ENTHD1: variants seen among roughly 807,000 people sequenced by gnomAD.
ENTHD1 encodes the protein ENTH domain containing 1, also known as ENTH domain-containing protein 1.
Under a neutral mutation model 39.1 loss-of-function variants are expected in ENTHD1, and 23 were observed. That is an observed-to-expected ratio of 0.59 (90% CI 0.42 to 0.83). The LOEUF (loss-of-function observed/expected upper bound fraction) is 0.83, where lower values mean the gene tolerates loss of function less well. ENTHD1 is among the 40% of genes least tolerant of loss of function. ENTHD1 has a pLI of 0.00. For synonymous variants in ENTHD1, 230 were observed against 258.2 expected (o/e 0.89, Z 1.05); for missense variants, 624 against 705.4 (o/e 0.88, Z 1.31).
chr22:39,789,972 G>A (rs984219579), intron 5 of ENTHD1, among the ~76,000 whole-genome samples: 1 of 152,090 alleles, frequency 6.6e-6, no homozygotes, highest in Non-Finnish European at 1.5e-5. Flanking sequence ...TCAGTGGAGG[G>A]CAGAGTGTTC....
At position 39,765,352 on chromosome 22, in the gene ENTHD1, T is replaced by G; in HGVS notation, c.1090A>C (p.Thr364Pro). 1 of 1,614,048 alleles carries G rather than the reference T, an allele frequency of 6.2e-7. No homozygotes were observed. Among genetic ancestry groups the G allele is most frequent in the Non-Finnish European group, 8.5e-7 (1 of 1,179,984 alleles). Residue 364 changes from threonine to proline, a missense_variant, in exon 6 of 7, where the codon ACA (threonine) becomes CCA (proline). Transcript: ENST00000325157. ...STFHNQASVETLCLSPSFKIF... is the reference protein window; with the variant it reads ...STFHNQASVEPLCLSPSFKIF... ...TTGAATGAGGGAGAGAGACAGAGTGTTTCTACAGAGGCCTGGTTATGGAAA... is the reference window on the plus strand; with the variant it reads ...TTGAATGAGGGAGAGAGACAGAGTGGTTCTACAGAGGCCTGGTTATGGAAA...
chr22:39,862,162 T>C (rs1041677352), intron 2 of ENTHD1, among the ~76,000 whole-genome samples, 155 bp from the exon 3 acceptor site: 4 of 152,238 alleles, frequency 2.6e-5, no homozygotes, highest in East Asian at 1.9e-4. Flanking sequence ...CCTTTTCTTA[T>C]ACTTTAAAAG....
At chr22:39,846,836 A>G (rs1197878130) in intron 3 of ENTHD1, among the ~76,000 whole-genome samples, 6 of 152,174 alleles carry the variant, frequency 3.9e-5, no homozygotes, top group Non-Finnish European at 8.8e-5. Context: ...AATCAAAACC[A>G]CAATGAGATA....
At chr22:39,829,392 A>T (rs1391769103) in intron 4 of ENTHD1, among the ~76,000 whole-genome samples, 2 of 152,118 alleles carry the variant, frequency 1.3e-5, no homozygotes, top group African/African-American at 4.8e-5. Context: ...AAAAAAAAAA[A>T]ATAGGTGACT....
intron 2 of ENTHD1, among the ~76,000 whole-genome samples, chr22:39,883,280 T>A (rs2066354493): frequency 6.6e-6 from 1 of 152,114 alleles, no homozygotes; most frequent in Non-Finnish European, 1.5e-5. Context: ...AGTGTACTTG[T>A]ACTTACTTTT....
intron 3 of ENTHD1, among the ~76,000 whole-genome samples, chr22:39,836,661 T>G (rs751663793): frequency 3.3e-5 from 5 of 152,188 alleles, no homozygotes; most frequent in Non-Finnish European, 7.4e-5. Flanking sequence ...TTTGGATTTG[T>G]GTCCCCACCC....
intron 5 of ENTHD1, among the ~76,000 whole-genome samples, chr22:39,805,616 G>A (rs913691440): frequency 2.6e-5 from 4 of 152,092 alleles, no homozygotes; most frequent in African/African-American, 4.8e-5. Flanking sequence ...AACAACCCAC[G>A]GACCAGATAT....
At chr22:39,831,807 CAA>C (rs1714687196) in intron 4 of ENTHD1, among the ~76,000 whole-genome samples, 1 of 151,936 alleles carries the variant, frequency 6.6e-6, no homozygotes, top group African/African-American at 2.4e-5. Context: ...GCCTGGGTGA[CAA>C]GAGCAAAATT....
At chr22:39,874,031 T>C (rs2066266185) in intron 2 of ENTHD1, among the ~76,000 whole-genome samples, 1 of 152,168 alleles carries the variant, frequency 6.6e-6, no homozygotes, top group African/African-American at 2.4e-5. Context: ...GAAGAGCAAG[T>C]CACATCTTAT....
intron 2 of ENTHD1, among the ~76,000 whole-genome samples, chr22:39,873,277 AAC>A (rs2066258911): frequency 6.6e-6 from 1 of 152,214 alleles, no homozygotes. Context: ...GAATTAAAAA[AAC>A]ACACAAATCT....
intron 5 of ENTHD1, among the ~76,000 whole-genome samples, chr22:39,799,138 T>C (rs1186272215): frequency 1.3e-5 from 2 of 152,178 alleles, no homozygotes; most frequent in African/African-American, 4.8e-5. Flanking sequence ...CCAGGCTCCC[T>C]GCAGTGGAGT....
In ENTHD1 at chr22:39,750,503, T is replaced by C. The variant is rs1400090215; in HGVS notation, c.1220-6220A>G. 5 of 153,446 alleles carry C rather than the reference T, an allele frequency of 3.3e-5. No homozygotes were observed. The East Asian group carries it at 7.7e-4, about 24-fold the overall frequency. 9.5% of individuals were successfully genotyped at this position (153,446 alleles called of 1,614,324 possible). ...GATCTGCTTGTAAATGAAGCTGCAA[T>C]TAAAAAAAAAATAGGTGCCCTTGAA... On this transcript the variant is annotated intron_variant, in intron 6 of 6. Transcript: ENST00000325157.
At chr22:39,803,793 C>T (rs1382874588) in intron 5 of ENTHD1, among the ~76,000 whole-genome samples, 1 of 152,172 alleles carries the variant, frequency 6.6e-6, no homozygotes, top group African/African-American at 2.4e-5. Flanking sequence ...CAATACTTCT[C>T]ATCAGTATCA....
intron 5 of ENTHD1, among the ~76,000 whole-genome samples, chr22:39,795,172 T>C (rs2065537846): frequency 6.6e-6 from 1 of 152,220 alleles, no homozygotes; most frequent in Non-Finnish European, 1.5e-5. Flanking sequence ...GCTAGTATTT[T>C]GTTGAGGATT....
rs1569119647 is a variant in ENTHD1 at position 39,743,544 on chromosome 22, C to T, written c.*135G>A. On this transcript the variant is annotated 3_prime_UTR_variant, in exon 7 of 7. Coordinates refer to ENST00000325157, the MANE Select transcript of ENTHD1 (RefSeq NM_152512.4). ...AATGAAAGTATTAGTTTGAAAGATA[C>T]TTGCTAATAAACCTGACAAGGAAAA... 1 of 1,036,246 alleles carries T rather than the reference C, an allele frequency of 9.7e-7. No homozygotes were observed. Among genetic ancestry groups the T allele is most frequent in the Non-Finnish European group, 1.3e-6 (1 of 746,518 alleles). The allele number at this position is 1,036,246 out of a possible 1,614,324, so 64.2% of individuals were successfully genotyped here. A position where few individuals can be genotyped will look rare whatever the true frequency, so the allele number is the denominator to read the frequency against.
intron 5 of ENTHD1, among the ~76,000 whole-genome samples, chr22:39,819,774 G>A (rs2065766156): frequency 6.6e-6 from 1 of 152,300 alleles, no homozygotes; most frequent in Non-Finnish European, 1.5e-5. Flanking sequence ...TTCATTGATT[G>A]TAACAAATGT....
chr22:39,772,222 GT>G (rs2065332234), intron 5 of ENTHD1, among the ~76,000 whole-genome samples: 1 of 152,148 alleles, frequency 6.6e-6, no homozygotes, highest in Admixed American at 6.5e-5. Flanking sequence ...TCGCATTGCA[GT>G]TCATAATAGG....
intron 2 of ENTHD1, among the ~76,000 whole-genome samples, chr22:39,862,526 A>G (rs957764389): frequency 6.6e-6 from 1 of 150,640 alleles, no homozygotes; most frequent in South Asian, 2.1e-4. Flanking sequence ...CCAGCTTGGC[A>G]AGAGAGCGAG....
rs1388218183 is a variant in ENTHD1, at chr22:39,887,787, CA to C, written c.-40del. On this transcript the variant is annotated 5_prime_UTR_variant, in exon 2 of 7. In the 5' UTR this introduces an upstream ATG that the reference lacks. Coordinates refer to ENST00000325157, the MANE Select transcript of ENTHD1 (RefSeq NM_152512.4). ...TCCAAGGTGAGATGGAGGATGAAAG[CA>C]ATGGAATAACAGTTTATGTCACGGG... 1 of 1,421,008 alleles carries C rather than the reference CA, an allele frequency of 7.0e-7. No homozygotes were observed. Among genetic ancestry groups the C allele is most frequent in the East Asian group, 2.3e-5 (1 of 43,684 alleles). The allele number at this position is 1,421,008 out of a possible 1,614,324, so 88.0% of individuals were successfully genotyped here. A position where few individuals can be genotyped will look rare whatever the true frequency, so the allele number is the denominator to read the frequency against.
Sources: allele counts gnomAD v4.1 joint callset (sites outside exome capture counted in the v4.1 genomes callset), GRCh38; gene constraint gnomAD v4.1.1; transcripts MANE v1.5; gene names NCBI Gene and HGNC (gene_info 2026-07-23, HGNC 2026-07-21).